Variants in BICDL1 observed in about 807,000 individuals in gnomAD.
BICDL1 encodes BICD family like cargo adaptor 1.
In BICDL1, 20 loss-of-function variants were observed where a neutral mutation model predicts 76.8. The observed-to-expected ratio is 0.26, with a 90% CI of 0.18 to 0.38. The LOEUF is 0.38. BICDL1 is among the 10% of genes least tolerant of loss of function. The pLI, the probability that BICDL1 is intolerant of heterozygous loss-of-function variation, is 1.00. For missense variants in BICDL1, 700 were observed against 798.6 expected (o/e 0.88, Z 1.49); for synonymous variants, 383 against 337.1 (o/e 1.14, Z -1.49).
At chr12:120,027,410 G>C (rs530849072) in intron 2 of BICDL1, among the ~76,000 whole-genome samples, 116 of 152,204 alleles carry the variant, frequency 7.6e-4, no homozygotes, top group Middle Eastern at 3.4e-3. Flanking sequence ...CCTTGAAAAT[G>C]CTTAGTAATA....
At chr12:120,009,090 T>G (rs1951904849) in intron 2 of BICDL1, among the ~76,000 whole-genome samples, 1 of 151,988 alleles carries the variant, frequency 6.6e-6, no homozygotes, top group African/African-American at 2.4e-5. Flanking sequence ...TGGGTTCAAG[T>G]GATTCTCGTG....
intron 2 of BICDL1, among the ~76,000 whole-genome samples, chr12:120,033,438 A>G (rs1594143209): frequency 1.5e-5 from 2 of 131,160 alleles, no homozygotes; most frequent in Non-Finnish European, 3.0e-5. Context: ...GTGCACTGGC[A>G]TGATCTCGGC....
chr12:120,041,870 T>C (rs1952649456), intron 2 of BICDL1, among the ~76,000 whole-genome samples: 1 of 152,010 alleles, frequency 6.6e-6, no homozygotes, highest in Non-Finnish European at 1.5e-5. Context: ...TGAGATAAGA[T>C]TGGGATGCAG....
chr12:119,992,234 A>T (rs879881640), intron 1 of BICDL1, among the ~76,000 whole-genome samples: 25 of 152,320 alleles, frequency 1.6e-4, no homozygotes, highest in South Asian at 1.0e-3. Context: ...GTTGCTTGTT[A>T]ATCTTTCTAG....
intron 7 of BICDL1, 101 bp from the exon 8 acceptor site, chr12:120,080,786 T>A (rs1193543008): frequency 1.1e-5 from 15 of 1,349,692 alleles, no homozygotes; most frequent in African/African-American, 1.5e-5. Context: ...CCCCCACACA[T>A]GTACCCTGGT....
At chr12:120,042,881 G>C (rs1952671972) in intron 2 of BICDL1, among the ~76,000 whole-genome samples, 1 of 151,860 alleles carries the variant, frequency 6.6e-6, no homozygotes, top group South Asian at 2.1e-4. Context: ...TTACAAACTA[G>C]ATATCAAAGC....
Position 120,082,388 on chromosome 12 carries a change from G to T in BICDL1, c.1583+1371G>T, listed in dbSNP as rs922984499. Among the ~76,000 whole-genome samples, 3 of 151,954 alleles carry T rather than the reference G, an allele frequency of 2.0e-5. No individual in the cohort carries two copies. In the South Asian group the frequency reaches 6.2e-4, roughly 32 times the overall value. On this transcript the variant is annotated intron_variant, in intron 8 of 9. Coordinates refer to ENST00000548673, the MANE Select transcript of BICDL1 (RefSeq NM_001367886.1). ...CCACCTCAGCCTCCCGAGTAGCTGG[G>T]ACCTCAGGTACACACTACCACACCT...
intron 2 of BICDL1, among the ~76,000 whole-genome samples, chr12:120,050,688 C>G (rs1030987680): frequency 7.2e-5 from 11 of 152,092 alleles, no homozygotes; most frequent in African/African-American, 2.7e-4. Flanking sequence ...GTTGCCCAGG[C>G]TGGAATGCAG....
chr12:120,093,999 T>C lies in BICDL1; in HGVS notation c.*838T>C, dbSNP rs1166117030. On this transcript the variant is annotated 3_prime_UTR_variant, in exon 10 of 10. Coordinates refer to ENST00000548673, the MANE Select transcript of BICDL1 (RefSeq NM_001367886.1). ...ACCCCTCACATACATACATAATTTC[T>C]TGGCCTAGCCAAACAAGTCCAGGCC... 8 of 349,600 alleles carry C rather than the reference T, an allele frequency of 2.3e-5. No individual in the cohort carries two copies. In the Admixed American group the frequency reaches 3.0e-4, roughly 13 times the overall value. The allele number at this position is 349,600 out of a possible 1,614,324, so 21.7% of individuals were successfully genotyped here.
chr12:120,020,976 C>T lies in BICDL1; in HGVS notation c.645+22240C>T, dbSNP rs1193863444. Among the ~76,000 whole-genome samples the T allele has an allele frequency of 3.3e-5, 5 of 152,068 alleles. No individual in the cohort carries two copies. The East Asian group carries it at 9.6e-4, about 29-fold the overall frequency. ...TGAGCCAAGAATGGTGTTTATGTTT[C>T]TAAAGGACTTTTACAAAAAAAAACA... is the stretch of plus-strand genomic sequence containing the variant. On this transcript the variant is annotated intron_variant, in intron 2 of 9. Coordinates refer to ENST00000548673, the MANE Select transcript of BICDL1 (RefSeq NM_001367886.1).
intron 1 of BICDL1, among the ~76,000 whole-genome samples, chr12:119,997,844 G>A (rs979631334): frequency 7.9e-4 from 120 of 152,212 alleles, no homozygotes; most frequent in African/African-American, 2.6e-3. Flanking sequence ...GGTGGGGCAC[G>A]GTGGCTCACA....
intron 9 of BICDL1, chr12:120,091,285 A>G: frequency 8.2e-6 from 9 of 1,098,104 alleles, no homozygotes; most frequent in Non-Finnish European, 1.0e-5. Flanking sequence ...CAGGCCTGGA[A>G]TGATGAGCAG....
In BICDL1 at chr12:119,998,320, T is replaced by C. The variant is rs564573757; in HGVS notation, c.430-201T>C. 4.2e-4 allele frequency among the ~76,000 whole-genome samples: 64 copies of C among 152,276 alleles called. 1 individual carries two copies. The South Asian group carries it at 0.013, about 31-fold the overall frequency. ...TAAGTATTTTCAGTAAGAATGGCGTTCTCTTTGTGAAACCAACTTCTTCCC... is the reference window on the plus strand; with the variant it reads ...TAAGTATTTTCAGTAAGAATGGCGTCCTCTTTGTGAAACCAACTTCTTCCC... On this transcript the variant is annotated intron_variant, in intron 1 of 9. Transcript: ENST00000548673.
At chr12:120,077,378 G>T (rs1327083503) in intron 7 of BICDL1, among the ~76,000 whole-genome samples, 1 of 152,136 alleles carries the variant, frequency 6.6e-6, no homozygotes, top group Non-Finnish European at 1.5e-5. Flanking sequence ...CTCCTCCTCT[G>T]TTCCCCAAGT....
intron 8 of BICDL1, among the ~76,000 whole-genome samples, chr12:120,088,104 G>A (rs1874582462): frequency 6.6e-6 from 1 of 152,006 alleles, no homozygotes; most frequent in African/African-American, 2.4e-5. Context: ...GCAAATTTTT[G>A]TATTTTTAGT....
intron 2 of BICDL1, among the ~76,000 whole-genome samples, chr12:120,057,373 G>C (rs1952997296): frequency 6.6e-6 from 1 of 152,076 alleles, no homozygotes; most frequent in Admixed American, 6.6e-5. Flanking sequence ...CCTTCAGAGA[G>C]ACTGCTGTTA....
intron 9 of BICDL1, chr12:120,092,714 G>A (rs1875082285): frequency 1.0e-6 from 1 of 985,414 alleles, no homozygotes; most frequent in East Asian, 1.1e-4. Flanking sequence ...TGCAGGGAGA[G>A]ACCACCCGAG....
At chr12:120,057,206 G>T (rs1404129247) in intron 2 of BICDL1, 3 of 473,420 alleles carry the variant, frequency 6.3e-6, no homozygotes, top group Admixed American at 2.1e-5. Flanking sequence ...GTAGAGACAG[G>T]GTTTCACCAT....
At chr12:120,027,553 G>A (rs148917701) in intron 2 of BICDL1, among the ~76,000 whole-genome samples, 1 of 152,282 alleles carries the variant, frequency 6.6e-6, no homozygotes, top group East Asian at 1.9e-4. Context: ...AAGACCCAGA[G>A]AGGCTGTGAT....
Sources: allele counts gnomAD v4.1 joint callset (sites outside exome capture counted in the v4.1 genomes callset), GRCh38; gene constraint gnomAD v4.1.1; transcripts MANE v1.5; gene names NCBI Gene and HGNC (gene_info 2026-07-23, HGNC 2026-07-21).